NCAPH: variants seen among roughly 807,000 people sequenced by gnomAD.
NCAPH encodes non-SMC condensin I complex subunit H, also known as condensin complex subunit 2.
Under a neutral mutation model 85.5 loss-of-function variants are expected in NCAPH, and 38 were observed. The observed-to-expected ratio is 0.44, with a 90% CI of 0.34 to 0.58. NCAPH has a LOEUF of 0.58. NCAPH is among the 20% of genes least tolerant of loss of function. The pLI is 0.01. For synonymous variants in NCAPH, 301 were observed against 335.1 expected (o/e 0.90, Z 1.11); for missense variants, 789 against 916.6 (o/e 0.86, Z 1.80).
At chr2:96,368,381 G>A (rs1328972636) in intron 15 of NCAPH, among the ~76,000 whole-genome samples, 1 of 152,216 alleles carries the variant, frequency 6.6e-6, no homozygotes, top group Non-Finnish European at 1.5e-5. Flanking sequence ...CTTTGGCTGG[G>A]CACAGTGGCT....
At chr2:96,352,773 C>T (rs767158864) in intron 7 of NCAPH, among the ~76,000 whole-genome samples, 84 of 152,260 alleles carry the variant, frequency 5.5e-4, no homozygotes, top group Non-Finnish European at 9.3e-4. Flanking sequence ...CAGTTGTTAG[C>T]TCCCATTCTT....
At position 96,375,970 on chromosome 2, in the gene NCAPH, C is replaced by T. The variant is rs1360103333; in HGVS notation, c.*2619C>T. On this transcript the variant is annotated 3_prime_UTR_variant, in exon 18 of 18. Transcript: ENST00000240423. Reference sequence around the variant, plus strand: ...AGAAGGCTCCCACCAGATATGGACTCAACCTGGGACTTTTCAGCCTCCATA... The same window carrying T: ...AGAAGGCTCCCACCAGATATGGACTTAACCTGGGACTTTTCAGCCTCCATA... Among the ~76,000 whole-genome samples, 1 of 152,328 alleles carries T rather than the reference C, an allele frequency of 6.6e-6. No homozygotes were observed. Among genetic ancestry groups the T allele is most frequent in the African/African-American group, 2.4e-5 (1 of 41,582 alleles).
In NCAPH at chr2:96,341,881, T is replaced by TC; in HGVS notation, c.264dup (p.Ser89LeufsTer6). 6.2e-7 allele frequency: 1 copy of TC among 1,608,900 alleles called. No homozygotes were observed. Among genetic ancestry groups the TC allele is most frequent in the Non-Finnish European group, 8.5e-7 (1 of 1,178,210 alleles). On this transcript the variant is annotated frameshift_variant, in exon 2 of 18. Transcript: ENST00000240423. LOFTEE classifies it high-confidence loss of function. ...CACTGACTCACCTCGCTTATTGGCC[T>TC]CCCCCTCCAGCAGGTGAGGTGCTCC...
intron 17 of NCAPH, among the ~76,000 whole-genome samples, chr2:96,372,607 G>A (rs894409023): frequency 2.0e-5 from 3 of 151,726 alleles, no homozygotes; most frequent in Non-Finnish European, 4.4e-5. Context: ...GATCTGAACC[G>A]TCCCTGTGTC....
intron 8 of NCAPH, among the ~76,000 whole-genome samples, chr2:96,353,876 A>AT (rs1384082397): frequency 6.6e-6 from 1 of 152,194 alleles, no homozygotes; most frequent in Non-Finnish European, 1.5e-5. Context: ...TCCAAAATAA[A>AT]TGATCTCCAT....
intron 12 of NCAPH, among the ~76,000 whole-genome samples, chr2:96,362,232 CA>C (rs200068927): frequency 1.9e-4 from 27 of 141,910 alleles, no homozygotes; most frequent in Non-Finnish European, 2.8e-4. Flanking sequence ...AAAAGCAAAA[CA>C]AAAAAAAAAT....
chr2:96,341,626 A>G lies in NCAPH; in HGVS notation c.20-16A>G, dbSNP rs2064295270. The stretch of plus-strand genomic sequence containing the variant: ...ATGTTCTCTTGAAGGTTTCTTGAGC[A>G]AGAATTTTGTTCCAGCACTGCCAGC... On this transcript the variant is annotated splice_polypyrimidine_tract_variant and intron_variant, in intron 1 of 17. Coordinates refer to ENST00000240423, the MANE Select transcript of NCAPH (RefSeq NM_015341.5). 2 of 1,604,992 alleles carry G rather than the reference A, an allele frequency of 1.2e-6. No individual in the cohort carries two copies. Among genetic ancestry groups the G allele is most frequent in the Non-Finnish European group, 1.7e-6 (2 of 1,173,884 alleles).
At chr2:96,360,007 T>C (rs2064582583) in intron 10 of NCAPH, 136 bp from the exon 11 acceptor site, 1 of 623,820 alleles carries the variant, frequency 1.6e-6, no homozygotes, top group Non-Finnish European at 2.9e-6. Flanking sequence ...TGAGCACTCC[T>C]ACTGTTGTGA....
chr2:96,360,218 T>C lies in NCAPH; in HGVS notation c.1433T>C (p.Ile478Thr), dbSNP rs1045206790. The C allele has an allele frequency of 3.2e-6, 5 of 1,545,936 alleles. No homozygotes were observed. Among genetic ancestry groups the C allele is most frequent in the South Asian group, 1.1e-5 (1 of 88,258 alleles). The change falls in exon 11 of 18, where the codon ATT becomes ACT. Residue 478 changes from isoleucine (I) to threonine (T), a missense_variant. By Grantham distance (89) the Ile-to-Thr change is moderately conservative (BLOSUM62 -1). Transcript: ENST00000240423. ...TTTGAAATTGACTTTGAAGATGATA[T>C]TGACTTTGATGTATATTTTAGAAAA... The part of the protein sequence containing the change: ...KDFEIDFEDD[I>T]DFDVYFRKTK...
rs2064807434 is a variant in NCAPH at position 96,374,167 on chromosome 2, AC to A, written c.*817del. Among the ~76,000 whole-genome samples the A allele has an allele frequency of 1.3e-5, 2 of 152,224 alleles. No individual in the cohort carries two copies. Among genetic ancestry groups the A allele is most frequent in the African/African-American group, 4.8e-5 (2 of 41,442 alleles). On this transcript the variant is annotated 3_prime_UTR_variant, in exon 18 of 18. Coordinates refer to ENST00000240423, the MANE Select transcript of NCAPH (RefSeq NM_015341.5). ...ACTCTCATGTTGGAGGAGGAAACGG[AC>A]ACCCAAGGTAGAGGAACTTGCAAAA...
chr2:96,366,693 A>G (rs2064704137), intron 14 of NCAPH, among the ~76,000 whole-genome samples: 1 of 152,202 alleles, frequency 6.6e-6, no homozygotes, highest in African/African-American at 2.4e-5. Flanking sequence ...CCCGGCCAAC[A>G]TGGTGAAACC....
chr2:96,355,696 C>T (rs1414662613), intron 9 of NCAPH, among the ~76,000 whole-genome samples: 1 of 149,746 alleles, frequency 6.7e-6, no homozygotes, highest in African/African-American at 2.5e-5. Context: ...GGCTGGAGTG[C>T]AGCAGCGCGA....
chr2:96,353,046 A>G (rs543572093), intron 7 of NCAPH, among the ~76,000 whole-genome samples: 32 of 152,252 alleles, frequency 2.1e-4, no homozygotes, highest in Non-Finnish European at 4.4e-4. Flanking sequence ...TTTCTCCTCT[A>G]GTATTTTACT....
intron 1 of NCAPH, among the ~76,000 whole-genome samples, 155 bp downstream of exon 1, chr2:96,336,003 A>C (rs1486292845): frequency 4.8e-5 from 6 of 126,036 alleles, no homozygotes; most frequent in African/African-American, 1.5e-4. Context: ...GTGCGGGGGG[A>C]GGGGAGGGCC....
At chr2:96,373,048 G>A (rs2064794442) in intron 17 of NCAPH, among the ~76,000 whole-genome samples, 1 of 152,084 alleles carries the variant, frequency 6.6e-6, no homozygotes, top group Non-Finnish European at 1.5e-5. Flanking sequence ...TTTATAGGGG[G>A]TGGGTTGCAG....
At chr2:96,366,204 G>C in intron 14 of NCAPH, 146 bp downstream of exon 14, 1 of 874,122 alleles carries the variant, frequency 1.1e-6, no homozygotes, top group Admixed American at 2.7e-5. Flanking sequence ...GGTTGTGGGA[G>C]TGAGCTGATG....
chr2:96,341,969 A>C, intron 2 of NCAPH, 75 bp downstream of exon 2: 1 of 1,605,600 alleles, frequency 6.2e-7, no homozygotes, highest in Non-Finnish European at 8.5e-7. Context: ...GCATCTCCAC[A>C]AAACTTCATG....
At chr2:96,353,543 C>T in intron 8 of NCAPH, 146 bp downstream of exon 8, 2 of 710,560 alleles carry the variant, frequency 2.8e-6, no homozygotes, top group Admixed American at 4.7e-5. Flanking sequence ...GGACAAAAAC[C>T]CTGAGGGAGG....
chr2:96,368,867 C>A, intron 15 of NCAPH, 105 bp from the exon 16 acceptor site: 1 of 968,226 alleles, frequency 1.0e-6, no homozygotes, highest in Non-Finnish European at 1.5e-6. Context: ...AATTTGTTTT[C>A]ATTTTGTTTA....
Sources: allele counts gnomAD v4.1 joint callset (sites outside exome capture counted in the v4.1 genomes callset), GRCh38; gene constraint gnomAD v4.1.1; transcripts MANE v1.5; gene names NCBI Gene and HGNC (gene_info 2026-07-23, HGNC 2026-07-21).